Variants in REELD1 observed in about 807,000 individuals in gnomAD.
REELD1 encodes the protein reelin domain-containing protein 1.
A neutral mutation model predicts 6.3 loss-of-function variants in REELD1; 12 were observed. The observed-to-expected ratio is 1.89, with a 90% CI of 1.21 to 3.07. The LOEUF is 3.07. REELD1 is among the 30% of genes most tolerant of loss of function. The pLI is 0.00. For missense variants in REELD1, 163 were observed against 86.8 expected, an observed-to-expected ratio of 1.88 and a Z score of -3.49; for synonymous variants, 57 against 33.6, an observed-to-expected ratio of 1.70 and a Z score of -2.42.
In REELD1 at chr4:146,228,291, A is replaced by G; in HGVS notation, c.677A>G (p.Asn226Ser). 1.4e-6 allele frequency: 1 copy of G among 702,388 alleles called. No homozygotes were observed. The highest frequency in any genetic ancestry group is 2.6e-6 in the Non-Finnish European group (1 of 384,972). The allele number at this position is 702,388 out of a possible 1,614,324, so 43.5% of individuals were successfully genotyped here. Residue 226 changes from asparagine to serine, a missense_variant, in exon 6 of 8, where the codon AAC becomes AGC. Coordinates refer to ENST00000623665, the MANE Select transcript of REELD1 (RefSeq NM_001354631.1). ...VALPGAAEED[N>S]LDPVPASIWV... is the part of the protein sequence containing the mutation. ...CTTCCTGGAGCTGCAGAGGAGGACAACCTAGATCCTGTTCCTGCCAGTATT... is the reference window on the plus strand; with the variant it reads ...CTTCCTGGAGCTGCAGAGGAGGACAGCCTAGATCCTGTTCCTGCCAGTATT...
intron 3 of REELD1, among the ~76,000 whole-genome samples, chr4:146,220,399 G>A (rs1353071909): frequency 1.3e-5 from 2 of 152,102 alleles, no homozygotes; most frequent in African/African-American, 4.8e-5. Context: ...TTTGCTCACT[G>A]TATGCATCAA....
chr4:146,231,674 T>A lies in REELD1; in HGVS notation c.*1161T>A, dbSNP rs10857426. ...TAATTCATACGGGAACTGTGCTAAG[T>A]AGTTTGCGTATATCTTCACATTTAA... On this transcript the variant is annotated 3_prime_UTR_variant, in exon 8 of 8. Transcript: ENST00000623665. Among the ~76,000 whole-genome samples the A allele has an allele frequency of 0.76, 115,486 of 151,734 alleles. 44,904 individuals are homozygous for A. Among genetic ancestry groups the A allele is most frequent in the African/African-American group, 0.93 (38,655 of 41,450 alleles).
chr4:146,217,798 T>G (rs1362230563), intron 3 of REELD1, among the ~76,000 whole-genome samples: 1 of 152,234 alleles, frequency 6.6e-6, no homozygotes. Context: ...TATTTAAAAC[T>G]AAAATTCATC....
At chr4:146,217,498 C>T (rs1332194549) in intron 3 of REELD1, among the ~76,000 whole-genome samples, 1 of 152,132 alleles carries the variant, frequency 6.6e-6, no homozygotes, top group Non-Finnish European at 1.5e-5. Context: ...CCTGATTCAG[C>T]CTCCAAAAGT....
chr4:146,225,918 C>T (rs1307870701), intron 5 of REELD1, among the ~76,000 whole-genome samples: 3 of 152,118 alleles, frequency 2.0e-5, no homozygotes, highest in East Asian at 1.9e-4. Flanking sequence ...TGTTCCACTA[C>T]CCAAACCCTA....
At position 146,218,889 on chromosome 4, in the gene REELD1, C is replaced by CT. The variant is rs577719303; in HGVS notation, c.208+1730dup. Among the ~76,000 whole-genome samples the CT allele has an allele frequency of 3.6e-3, 552 of 152,304 alleles. 2 individuals carry two copies. The highest frequency in any genetic ancestry group is 5.0e-3 in the Non-Finnish European group (337 of 68,030). ...GTCAGCCAGGCATGGTGGCTCATGC[C>CT]TGTAATCCCAGCACTTTGGGAGGCC... On this transcript the variant is annotated intron_variant, in intron 3 of 7. Transcript: ENST00000623665.
chr4:146,231,984 G>A lies in REELD1; in HGVS notation c.*1471G>A, dbSNP rs1419178090. 4 of 152,168 alleles carry A rather than the reference G, an allele frequency of 2.6e-5. No homozygotes were observed. The highest frequency in any genetic ancestry group is 4.4e-5 in the Non-Finnish European group (3 of 68,032). The allele number at this position is 152,168 out of a possible 1,614,324, so 9.4% of individuals were successfully genotyped here. The stretch of plus-strand genomic sequence containing the variant: ...AAGTGTTCTAGGAATACTGTGGAAA[G>A]AAACAAAAGTACTGTAGTCTAATAA... On this transcript the variant is annotated 3_prime_UTR_variant, in exon 8 of 8. Transcript: ENST00000623665.
rs972657295 is a variant in REELD1, at chr4:146,228,339, A to T, written c.725A>T (p.Asp242Val). ...ASIWVTKFPG[D>V]AETLSQPSSH... ...ATTTGGGTGACAAAGTTTCCTGGGG[A>T]TGCAGAGACTCTGTCCCAACCATCT... Residue 242 changes from aspartate to valine, a missense_variant, in exon 6 of 8, where the codon GAT (aspartate) becomes GTT (valine). Transcript: ENST00000623665. The T allele has an allele frequency of 1.4e-6, 1 of 702,506 alleles. No individual in the cohort carries two copies. The highest frequency in any genetic ancestry group is 2.6e-6 in the Non-Finnish European group (1 of 384,980). 43.5% of individuals were successfully genotyped at this position (702,506 alleles called of 1,614,324 possible).
intron 4 of REELD1, among the ~76,000 whole-genome samples, 184 bp downstream of exon 4, chr4:146,222,763 T>C (rs1247608543): frequency 6.6e-6 from 1 of 152,132 alleles, no homozygotes; most frequent in Admixed American, 6.5e-5. Flanking sequence ...AAAAAAATAT[T>C]GCCCCCAAAC....
chr4:146,226,704 A>T (rs1731029758), intron 5 of REELD1, among the ~76,000 whole-genome samples: 1 of 152,200 alleles, frequency 6.6e-6, no homozygotes, highest in Non-Finnish European at 1.5e-5. Context: ...CAACATATGA[A>T]TTTTGAGGGG....
At chr4:146,218,705 C>T (rs963942728) in intron 3 of REELD1, among the ~76,000 whole-genome samples, 1 of 152,096 alleles carries the variant, frequency 6.6e-6, no homozygotes, top group East Asian at 1.9e-4. Flanking sequence ...TTTAGCACAC[C>T]GGGGCAAATG....
intron 2 of REELD1, among the ~76,000 whole-genome samples, chr4:146,216,031 G>A (rs1302639431): frequency 6.6e-5 from 10 of 152,152 alleles, no homozygotes; most frequent in South Asian, 6.2e-4. Flanking sequence ...GATTACAGGC[G>A]TGAGCCACCG....
chr4:146,230,336 G>A lies in REELD1; in HGVS notation c.1404G>A (p.Gln468=). 1 of 398,930 alleles carries A rather than the reference G, an allele frequency of 2.5e-6. No homozygotes were observed. Among genetic ancestry groups the A allele is most frequent in the Admixed American group, 4.4e-5 (1 of 22,744 alleles). 24.7% of individuals were successfully genotyped at this position (398,930 alleles called of 1,614,324 possible). The change falls in exon 8 of 8, where the codon CAG becomes CAA. Residue 468 remains glutamine, a synonymous_variant. Transcript: ENST00000623665. ...LAAGLRYLHT[Q]YCHQQTEVSF... ...CTGGCCTTCGCTACCTGCACACCCA[G>A]TATTGCCACCAGCAGACAGAAGTGT...
intron 5 of REELD1, among the ~76,000 whole-genome samples, chr4:146,227,000 T>C (rs1731035016): frequency 6.6e-6 from 1 of 152,222 alleles, no homozygotes; most frequent in South Asian, 2.1e-4. Context: ...CTCGAACTCC[T>C]GACCTTAGGT....
At chr4:146,224,181 A>G (rs1337447752) in intron 4 of REELD1, among the ~76,000 whole-genome samples, 1 of 151,890 alleles carries the variant, frequency 6.6e-6, no homozygotes, top group Non-Finnish European at 1.5e-5. Flanking sequence ...TGAGATTTTT[A>G]GTGACTGTAT....
Position 146,232,121 on chromosome 4 carries a change from C to A in REELD1, c.*1608C>A, listed in dbSNP as rs1731141808. Reference sequence around the variant, plus strand: ...TTCATCTGGCCACATCACATCAGAGCCAGATGCACCATGTATGCAAACTTT... The same window carrying A: ...TTCATCTGGCCACATCACATCAGAGACAGATGCACCATGTATGCAAACTTT... On this transcript the variant is annotated 3_prime_UTR_variant, in exon 8 of 8. Coordinates refer to ENST00000623665, the MANE Select transcript of REELD1 (RefSeq NM_001354631.1). 6.6e-6 allele frequency: 1 copy of A among 152,220 alleles called. No individual in the cohort carries two copies. The highest frequency in any genetic ancestry group is 1.5e-5 in the Non-Finnish European group (1 of 68,042). The allele number at this position is 152,220 out of a possible 1,614,324, so 9.4% of individuals were successfully genotyped here. A position where few individuals can be genotyped will look rare whatever the true frequency, so the allele number is the denominator to read the frequency against.
intron 3 of REELD1, among the ~76,000 whole-genome samples, chr4:146,220,570 G>T (rs907968779): frequency 6.6e-6 from 1 of 152,148 alleles, no homozygotes; most frequent in Non-Finnish European, 1.5e-5. Context: ...TTCCTGCTCC[G>T]CCATCATCAG....
intron 7 of REELD1, 56 bp from the exon 8 acceptor site, chr4:146,229,849 G>A (rs1364896566): frequency 2.0e-5 from 8 of 398,138 alleles, no homozygotes; most frequent in Non-Finnish European, 2.7e-5. Flanking sequence ...AAAGTTCAGT[G>A]GCAGCTTAGG....
intron 5 of REELD1, among the ~76,000 whole-genome samples, chr4:146,227,059 G>A (rs79035571): frequency 2.6e-5 from 4 of 152,270 alleles, no homozygotes; most frequent in African/African-American, 4.8e-5. Context: ...AGGCGCGAGC[G>A]CCCGGCCTCT....
Sources: allele counts gnomAD v4.1 joint callset (sites outside exome capture counted in the v4.1 genomes callset), GRCh38; gene constraint gnomAD v4.1.1; transcripts MANE v1.5; gene names NCBI Gene and HGNC (gene_info 2026-07-23, HGNC 2026-07-21).